Variants in SERINC4 observed in about 807,000 individuals in gnomAD.
SERINC4 encodes serine incorporator 4.
Under a neutral mutation model 52.0 loss-of-function variants are expected in SERINC4, and 52 were observed. The ratio of observed to expected loss-of-function variants is 1.00; its 90% CI spans 0.80 to 1.26. The LOEUF is 1.26. Among genes scored for constraint, SERINC4 ranks in the 50% most tolerant of loss-of-function variants. SERINC4 has a pLI of 0.00. For missense variants in SERINC4, 723 were observed against 632.8 expected (o/e 1.14, Z -1.53); for synonymous variants, 264 against 247.7 (o/e 1.07, Z -0.62).
chr15:43,794,369 C>G lies in SERINC4; in HGVS notation c.*631G>C, dbSNP rs2087151768. On this transcript the variant is annotated 3_prime_UTR_variant, in exon 12 of 12. Transcript: ENST00000319327. ...TTTATGCCTCTTTTCCTCATTCTTC[C>G]TCAGTTTGTTCGTCTGCTTGAAAGT... 5.7e-6 allele frequency: 1 copy of G among 174,478 alleles called. No homozygotes were observed. Among genetic ancestry groups the G allele is most frequent in the Non-Finnish European group, 1.2e-5 (1 of 82,332 alleles). The allele number at this position is 174,478 out of a possible 1,614,324, so 10.8% of individuals were successfully genotyped here.
At position 43,799,720 on chromosome 15, in the gene SERINC4, G is replaced by A. The variant is rs1024908920; in HGVS notation, c.102+165C>T. 3 of 821,798 alleles carry A rather than the reference G, an allele frequency of 3.7e-6. No individual in the cohort carries two copies. The African/African-American group carries it at 5.1e-5, about 14-fold the overall frequency. The allele number at this position is 821,798 out of a possible 1,614,324, so 50.9% of individuals were successfully genotyped here. A position where few individuals can be genotyped will look rare whatever the true frequency, so the allele number is the denominator to read the frequency against. On this transcript the variant is annotated intron_variant, in intron 1 of 11. Coordinates refer to ENST00000319327, the MANE Select transcript of SERINC4 (RefSeq NM_001258031.2). The stretch of plus-strand genomic sequence containing the variant: ...GCTTGAGATATCTGACCTTTCTCTC[G>A]ACCTAAACACCTGGGGCTGGAAACA...
chr15:43,796,611 C>G lies in SERINC4; in HGVS notation c.1067+5G>C. 6.2e-7 allele frequency: 1 copy of G among 1,613,854 alleles called. No homozygotes were observed. Among genetic ancestry groups the G allele is most frequent in the South Asian group, 1.1e-5 (1 of 91,064 alleles). The stretch of plus-strand genomic sequence containing the variant: ...CATACCTCCACCCTTGACACCTTTA[C>G]GCACCAAGCAAAAAGCACACAAGCA... On this transcript the variant is annotated splice_donor_5th_base_variant and intron_variant, in intron 8 of 11. Coordinates refer to ENST00000319327, the MANE Select transcript of SERINC4 (RefSeq NM_001258031.2).
At chr15:43,796,764 G>T (rs1395032088) in intron 7 of SERINC4, 22 bp from the exon 8 acceptor site, 1 of 1,614,182 alleles carries the variant, frequency 6.2e-7, no homozygotes, top group Non-Finnish European at 8.5e-7. Flanking sequence ...CAACAGAAGA[G>T]ATGGGTATTA....
intron 3 of SERINC4, 146 bp from the exon 4 acceptor site, chr15:43,798,650 A>C (rs913869857): frequency 1.5e-6 from 1 of 676,028 alleles, no homozygotes; most frequent in African/African-American, 1.8e-5. Context: ...CCCAAATGAG[A>C]GGGGGTTGGG....
rs1047667584 is a variant in SERINC4 at position 43,799,352 on chromosome 15, C to G, written c.237G>C (p.Leu79=). Residue 79 remains leucine (L), a synonymous_variant, in exon 2 of 12, where the codon CTG becomes CTC. Coordinates refer to ENST00000319327, the MANE Select transcript of SERINC4 (RefSeq NM_001258031.2). ...ACACCCTTTCCACTACTGTCCTTGA[C>G]AGCAGGAGGCAGCAGATTGCTGAGG... ...VGASAICCLL[L]SRTVVERVWG... is the part of the protein sequence containing the mutation. 30 of 1,551,108 alleles carry G rather than the reference C, an allele frequency of 1.9e-5. No individual in the cohort carries two copies. The highest frequency in any genetic ancestry group is 1.7e-4 in the Middle Eastern group (1 of 5,994).
intron 3 of SERINC4, 135 bp from the exon 4 acceptor site, chr15:43,798,639 TC>T (rs1474831934): frequency 1.4e-6 from 1 of 697,128 alleles, no homozygotes; most frequent in South Asian, 1.7e-5. Flanking sequence ...GAGGAACCAA[TC>T]CCAAATGAGA....
At chr15:43,799,818 C>G (rs1336015434) in intron 1 of SERINC4, 67 bp downstream of exon 1, 2 of 1,226,546 alleles carry the variant, frequency 1.6e-6, no homozygotes, top group Non-Finnish European at 2.3e-6. Flanking sequence ...AGAGGCCTGT[C>G]GTTTTTATTG....
rs907778855 is a variant in SERINC4 at position 43,799,391 on chromosome 15, G to C, written c.198C>G (p.Leu66=). 1 of 1,551,068 alleles carries C rather than the reference G, an allele frequency of 6.4e-7. No homozygotes were observed. The highest frequency in any genetic ancestry group is 2.0e-5 in the Admixed American group (1 of 51,002). Reference sequence around the variant, plus strand: ...AGATTGCTGAGGCCCCCACATGGAGGAGGATGTAGAACAGGCGGCTGCAAG... The same window carrying C: ...AGATTGCTGAGGCCCCCACATGGAGCAGGATGTAGAACAGGCGGCTGCAAG... The part of the protein sequence containing the change: ...ASTCSRLFYI[L]LHVGASAICC... The change falls in exon 2 of 12, where the codon CTC becomes CTG. Residue 66 remains leucine (L), a synonymous_variant. Transcript: ENST00000319327.
chr15:43,798,584 A>T (rs2087257356), intron 3 of SERINC4, 80 bp from the exon 4 acceptor site: 1 of 1,028,638 alleles, frequency 9.7e-7, no homozygotes, highest in Non-Finnish European at 1.5e-6. Context: ...GAAAGGCAAA[A>T]GAGAAACCAA....
chr15:43,799,255 T>C (rs1406056184), intron 2 of SERINC4, 55 bp downstream of exon 2: 5 of 1,527,980 alleles, frequency 3.3e-6, no homozygotes. Flanking sequence ...TTTTCTATCT[T>C]AGGGTTTTTC....
In SERINC4 at chr15:43,799,890, A is replaced by G. The variant is rs2087286180; in HGVS notation, c.97T>C (p.Cys33Arg). ...TCCCCTTCGCACCCTCTCACCTGAC[A>G]GAAGGGACTTTTCACTAGGACACTG... is the stretch of plus-strand genomic sequence containing the variant. ...GSSVLVKSPF[C>R]QVCCCGPAPC... Residue 33 changes from cysteine to arginine, a missense_variant, in exon 1 of 12, where the codon TGT (cysteine) becomes CGT (arginine). Transcript: ENST00000319327. 6.5e-7 allele frequency: 1 copy of G among 1,547,146 alleles called. No homozygotes were observed.
intron 3 of SERINC4, 22 bp downstream of exon 3, chr15:43,798,937 C>T (rs1408139160): frequency 7.1e-6 from 11 of 1,549,962 alleles, no homozygotes; most frequent in Non-Finnish European, 9.6e-6. Context: ...GTCCCCTCCC[C>T]ACCCAGAAAG....
Position 43,799,126 on chromosome 15 carries a change from G to A in SERINC4, c.291C>T (p.Pro97=). Residue 97 remains proline (P), a synonymous_variant, in exon 3 of 12, where the codon CCC becomes CCT. Coordinates refer to ENST00000319327, the MANE Select transcript of SERINC4 (RefSeq NM_001258031.2). The stretch of plus-strand genomic sequence containing the variant: ...CAAACAGGTGGGCACACAACCCCGA[G>A]GGCATCTGGATCTGGGAGTGTGTGT... ...VWGKTHRIQM[P]SGLCAHLFGL... 6.5e-7 allele frequency: 1 copy of A among 1,549,246 alleles called. No homozygotes were observed. Among genetic ancestry groups the A allele is most frequent in the Non-Finnish European group, 8.7e-7 (1 of 1,145,866 alleles).
At chr15:43,796,301 C>A in intron 8 of SERINC4, 74 bp from the exon 9 acceptor site, 1 of 1,129,174 alleles carries the variant, frequency 8.9e-7, no homozygotes, top group South Asian at 1.3e-5. Context: ...ACCAATTGGT[C>A]CATACTGGTA....
Position 43,796,169 on chromosome 15 carries a change from T to C in SERINC4, c.1126A>G (p.Ser376Gly), listed in dbSNP as rs200740250. ...FGPLWIVKVYSYEFQKPSLCF... is the reference protein window; with the variant it reads ...FGPLWIVKVYGYEFQKPSLCF... The stretch of plus-strand genomic sequence containing the variant: ...TTTATCCTCACCTGAAACTCATAGC[T>C]GTAAACCTTGACAATCCACAGGGGT... The change falls in exon 9 of 12, where the codon AGC (serine) becomes GGC (glycine). Residue 376 changes from serine (S) to glycine (G), a missense_variant. Transcript: ENST00000319327. 2 of 1,613,526 alleles carry C rather than the reference T, an allele frequency of 1.2e-6. No individual in the cohort carries two copies. The highest frequency in any genetic ancestry group is 1.7e-6 in the Non-Finnish European group (2 of 1,179,454).
Position 43,796,280 on chromosome 15 carries a change from G to A in SERINC4, c.1068-53C>T, listed in dbSNP as rs1456171879. On this transcript the variant is annotated intron_variant, in intron 8 of 11. Transcript: ENST00000319327. ...GTTTAGTTAAATAGGGATTATCTGG[G>A]GGCATTTACTACCAATTGGTCCATA... The A allele has an allele frequency of 2.2e-6, 3 of 1,385,612 alleles. No homozygotes were observed. In the African/African-American group the frequency reaches 4.3e-5, roughly 20 times the overall value. The allele number at this position is 1,385,612 out of a possible 1,614,324, so 85.8% of individuals were successfully genotyped here.
At position 43,794,220 on chromosome 15, in the gene SERINC4, G is replaced by A. The variant is rs1325508933; in HGVS notation, c.*780C>T. On this transcript the variant is annotated 3_prime_UTR_variant, in exon 12 of 12. Transcript: ENST00000319327. ...ACAATGACAACCAAACAAGTACTCCGGATATGCAGTAGAGGAATCCTCTAA... is the reference window on the plus strand; with the variant it reads ...ACAATGACAACCAAACAAGTACTCCAGATATGCAGTAGAGGAATCCTCTAA... 4.1e-6 allele frequency: 2 copies of A among 483,574 alleles called. No homozygotes were observed. The highest frequency in any genetic ancestry group is 2.0e-5 in the African/African-American group (1 of 51,182). 30.0% of individuals were successfully genotyped at this position (483,574 alleles called of 1,614,324 possible).
At position 43,794,961 on chromosome 15, in the gene SERINC4, G is replaced by T; in HGVS notation, c.*39C>A. ...ACAGCTCCCCTTGAGCCAACTCTAG[G>T]AGTACAATGTCAGGGGAACCCCAGT... is the stretch of plus-strand genomic sequence containing the variant. On this transcript the variant is annotated 3_prime_UTR_variant, in exon 12 of 12. Transcript: ENST00000319327. 6.6e-7 allele frequency: 1 copy of T among 1,521,226 alleles called. No homozygotes were observed. Among genetic ancestry groups the T allele is most frequent in the Non-Finnish European group, 9.0e-7 (1 of 1,113,218 alleles). 94.2% of individuals were successfully genotyped at this position (1,521,226 alleles called of 1,614,324 possible).
At chr15:43,797,474 C>T (rs2087238810) in intron 5 of SERINC4, 118 bp from the exon 6 acceptor site, 2 of 710,318 alleles carry the variant, frequency 2.8e-6, no homozygotes, top group Admixed American at 2.7e-5. Context: ...CTCACTGCAA[C>T]CTCCGCCTCT....
Sources: allele counts gnomAD v4.1 joint callset, GRCh38; gene constraint gnomAD v4.1.1; transcripts MANE v1.5; gene names NCBI Gene and HGNC (gene_info 2026-07-23, HGNC 2026-07-21).